Variants in CNTNAP4 observed in about 807,000 individuals in gnomAD.
CNTNAP4 encodes the protein contactin associated protein family member 4.
A neutral mutation model predicts 148.4 loss-of-function variants in CNTNAP4; 98 were observed. That is an observed-to-expected ratio of 0.66 (90% CI 0.56 to 0.78). CNTNAP4 has a LOEUF of 0.78. Ranked by LOEUF, CNTNAP4 falls within the 30% of genes least tolerant of loss-of-function variation. CNTNAP4 has a pLI of 0.00. For synonymous variants in CNTNAP4, 730 were observed against 565.1 expected, an observed-to-expected ratio of 1.29 and a Z score of -4.14; for missense variants, 1,935 against 1,565.6, an observed-to-expected ratio of 1.24 and a Z score of -3.98.
chr16:76,489,866 G>A lies in CNTNAP4; in HGVS notation c.2063G>A (p.Arg688Gln), dbSNP rs755929499. Residue 688 changes from arginine to glutamine, a missense_variant, in exon 13 of 24, where the codon CGG becomes CAG. Arg to Gln is a conservative substitution (Grantham distance 43). Coordinates refer to ENST00000611870, the MANE Select transcript of CNTNAP4 (RefSeq NM_033401.5). ...QEFTYYCKKSRLVNKQDGTPL... is the reference protein window; with the variant it reads ...QEFTYYCKKSQLVNKQDGTPL... ...TTTACTTATTACTGCAAGAAGTCACGGCTGGTCAATAAGCAAGGTAAGTAA... is the reference window on the plus strand; with the variant it reads ...TTTACTTATTACTGCAAGAAGTCACAGCTGGTCAATAAGCAAGGTAAGTAA... 3.9e-6 allele frequency: 6 copies of A among 1,558,366 alleles called. No homozygotes were observed. Among genetic ancestry groups the A allele is most frequent in the South Asian group, 3.6e-5 (3 of 83,278 alleles).
At chr16:76,379,799 T>A (rs1445875500) in intron 3 of CNTNAP4, among the ~76,000 whole-genome samples, 1 of 152,226 alleles carries the variant, frequency 6.6e-6, no homozygotes, top group African/African-American at 2.4e-5. Flanking sequence ...CCTTATCTTT[T>A]CTTCAAATTG....
At chr16:76,478,492 A>C (rs1442328921) in intron 11 of CNTNAP4, among the ~76,000 whole-genome samples, 1 of 152,236 alleles carries the variant, frequency 6.6e-6, no homozygotes, top group East Asian at 1.9e-4. Flanking sequence ...AATTAGCCAT[A>C]GTATTTCACG....
At chr16:76,357,007 A>T (rs941292636) in intron 3 of CNTNAP4, among the ~76,000 whole-genome samples, 18 of 151,872 alleles carry the variant, frequency 1.2e-4, no homozygotes, top group African/African-American at 4.1e-4. Flanking sequence ...TAAAATCCAA[A>T]GCAAGTTGAA....
intron 3 of CNTNAP4, among the ~76,000 whole-genome samples, chr16:76,363,243 A>C (rs977331503): frequency 2.6e-5 from 4 of 151,364 alleles, no homozygotes; most frequent in Non-Finnish European, 4.4e-5. Context: ...GCTCATTGCA[A>C]CTTCTGCCTC....
rs74025038 is a variant in CNTNAP4 at position 76,538,431 on chromosome 16, C to G, written c.3220+91C>G. The stretch of plus-strand genomic sequence containing the variant: ...CATTCTCGTGTTCTGGCTTCTCAAG[C>G]TACAAACAGAAAAATGGAGTGTGCC... On this transcript the variant is annotated intron_variant, in intron 19 of 23. Transcript: ENST00000611870. 9,510 of 975,468 alleles carry G rather than the reference C, an allele frequency of 9.7e-3. 465 individuals are homozygous for G. In the African/African-American group the frequency reaches 0.12, roughly 13 times the overall value. The allele number at this position is 975,468 out of a possible 1,614,324, so 60.4% of individuals were successfully genotyped here.
chr16:76,511,877 AAT>A (rs1369122038), intron 15 of CNTNAP4, among the ~76,000 whole-genome samples: 2 of 147,716 alleles, frequency 1.4e-5, no homozygotes, highest in Non-Finnish European at 3.0e-5. Flanking sequence ...AATCAATTGA[AAT>A]ATGTGGTACA....
chr16:76,346,453 AAGGT>A (rs897539499), intron 2 of CNTNAP4, among the ~76,000 whole-genome samples: 9 of 149,788 alleles, frequency 6.0e-5, no homozygotes, highest in African/African-American at 2.2e-4. Context: ...AAAAAAAAAG[AAGGT>A]AGAGAAGCAA....
intron 8 of CNTNAP4, among the ~76,000 whole-genome samples, chr16:76,460,450 C>T (rs1268102711): frequency 1.3e-5 from 2 of 151,278 alleles, no homozygotes; most frequent in Non-Finnish European, 3.0e-5. Flanking sequence ...TGTTCAGTCC[C>T]TTCCCATACT....
chr16:76,463,145 A>C lies in CNTNAP4; in HGVS notation c.1483+1040A>C, dbSNP rs1229653525. Among the ~76,000 whole-genome samples, 8 of 152,200 alleles carry C rather than the reference A, an allele frequency of 5.3e-5. 1 individual carries two copies. The highest frequency in any genetic ancestry group is 8.8e-5 in the Non-Finnish European group (6 of 68,032). On this transcript the variant is annotated intron_variant, in intron 9 of 23. Transcript: ENST00000611870. ...GATGTTTAAACCGGGCTGCTTATAA[A>C]ACCTTTTGGAATATATGATTGATTT...
chr16:76,552,347 G>T (rs2084988188), intron 21 of CNTNAP4, among the ~76,000 whole-genome samples: 1 of 152,094 alleles, frequency 6.6e-6, no homozygotes, highest in Non-Finnish European at 1.5e-5. Context: ...CATATCAATA[G>T]TTGTGCTATT....
intron 2 of CNTNAP4, among the ~76,000 whole-genome samples, chr16:76,322,243 T>C (rs1295331192): frequency 6.6e-6 from 1 of 152,206 alleles, no homozygotes; most frequent in Non-Finnish European, 1.5e-5. Flanking sequence ...ATTTCTGTCT[T>C]GAGCCCTAAT....
At chr16:76,290,861 T>C (rs922401237) in intron 1 of CNTNAP4, among the ~76,000 whole-genome samples, 3 of 152,206 alleles carry the variant, frequency 2.0e-5, no homozygotes, top group African/African-American at 4.8e-5. Flanking sequence ...CAAAAGTCCA[T>C]CAAAATGCCA....
intron 15 of CNTNAP4, among the ~76,000 whole-genome samples, chr16:76,500,790 T>G (rs1443974708): frequency 1.3e-5 from 2 of 151,262 alleles, no homozygotes; most frequent in African/African-American, 4.9e-5. Flanking sequence ...TATATATATT[T>G]TCTTTGATCA....
chr16:76,523,981 T>C (rs1185104241), intron 17 of CNTNAP4, among the ~76,000 whole-genome samples: 1 of 152,146 alleles, frequency 6.6e-6, no homozygotes, highest in Non-Finnish European at 1.5e-5. Flanking sequence ...AGTTACACTT[T>C]TGAAGAAATT....
intron 2 of CNTNAP4, among the ~76,000 whole-genome samples, chr16:76,332,148 C>T (rs915261123): frequency 2.0e-5 from 3 of 152,104 alleles, no homozygotes; most frequent in Non-Finnish European, 2.9e-5. Context: ...TGACTTACAA[C>T]GGTTTGATTG....
intron 3 of CNTNAP4, among the ~76,000 whole-genome samples, chr16:76,422,669 C>G (rs2145009189): frequency 6.6e-6 from 1 of 152,238 alleles, no homozygotes; most frequent in African/African-American, 2.4e-5. Flanking sequence ...CTTGCTCTGC[C>G]ACTTTCTAGC....
chr16:76,308,475 C>G (rs1463979236), intron 1 of CNTNAP4, among the ~76,000 whole-genome samples: 1 of 152,160 alleles, frequency 6.6e-6, no homozygotes, highest in Non-Finnish European at 1.5e-5. Context: ...GCTTCCTCCA[C>G]ACACCGTCAG....
chr16:76,356,108 C>T (rs557394331), intron 3 of CNTNAP4, among the ~76,000 whole-genome samples: 11 of 152,076 alleles, frequency 7.2e-5, no homozygotes, highest in African/African-American at 2.4e-4. Context: ...CTCCTGGCCT[C>T]AAGCAGTCCA....
At chr16:76,402,258 G>C (rs1319551430) in intron 3 of CNTNAP4, among the ~76,000 whole-genome samples, 1 of 152,010 alleles carries the variant, frequency 6.6e-6, no homozygotes, top group Non-Finnish European at 1.5e-5. Flanking sequence ...TCCGGGTTTA[G>C]TCTTGTGAGG....
Sources: gnomAD v4.1 joint callset for allele counts (sites outside exome capture counted in the v4.1 genomes callset) on GRCh38, gnomAD v4.1.1 for gene constraint, MANE v1.5 for transcripts, NCBI Gene and HGNC (gene_info 2026-07-23, HGNC 2026-07-21) for gene names.